Variants in CAST observed in about 807,000 individuals in gnomAD.
CAST encodes the protein MIR583 host.
A neutral mutation model predicts 119.6 loss-of-function variants in CAST; 76 were observed. That is an observed-to-expected ratio of 0.64 (90% confidence interval 0.53 to 0.77). The LOEUF (loss-of-function observed/expected upper bound fraction) is 0.77, where lower values mean the gene tolerates loss of function less well. Ranked by LOEUF, CAST falls within the 30% of genes least tolerant of loss-of-function variation. The probability of loss-of-function intolerance (pLI) is 0.00; values close to 1 mark genes in which losing one functional copy is unlikely to be tolerated. For synonymous variants in CAST, 319 were observed against 331.6 expected (o/e 0.96, Z 0.41); for missense variants, 953 against 946.5 (o/e 1.01, Z -0.09).
At chr5:96,270,477 TTA>T in the CAST span, among the ~76,000 whole-genome samples, 4 of 152,162 alleles carry the variant, frequency 2.6e-5, no homozygotes, top group Non-Finnish European at 5.9e-5. Context: ...CAACATGATG[TTA>T]TACTTAGAAA....
At chr5:96,435,735 C>A in the CAST span, among the ~76,000 whole-genome samples, 1 of 152,260 alleles carries the variant, frequency 6.6e-6, no homozygotes, top group African/African-American at 2.4e-5. Context: ...GATTGCCATG[C>A]CTTTCATGAT....
the CAST span, among the ~76,000 whole-genome samples, chr5:96,498,818 G>A: frequency 6.6e-5 from 10 of 152,084 alleles, no homozygotes; most frequent in African/African-American, 2.4e-4. Flanking sequence ...CCAGCCTCCA[G>A]GTCCAAGGCT....
the CAST span, chr5:96,415,916 AT>A: frequency 1.4e-6 from 1 of 728,210 alleles, no homozygotes; most frequent in Non-Finnish European, 2.5e-6. Context: ...CAACTTTGGC[AT>A]GGAACTAATT....
chr5:96,518,398 C>G, the CAST span, among the ~76,000 whole-genome samples: 1 of 152,178 alleles, frequency 6.6e-6, no homozygotes, highest in East Asian at 1.9e-4. Flanking sequence ...GGGTGAGAGA[C>G]TCGTGCTTCA....
chr5:96,509,974 A>T, the CAST span, among the ~76,000 whole-genome samples: 1 of 152,238 alleles, frequency 6.6e-6, no homozygotes, highest in Non-Finnish European at 1.5e-5. Flanking sequence ...ATAAAGTTGG[A>T]GGACTTTTAT....
chr5:96,241,012 A>T, the CAST span, among the ~76,000 whole-genome samples: 2 of 152,082 alleles, frequency 1.3e-5, no homozygotes, highest in Non-Finnish European at 2.9e-5. Context: ...TTTATATGAT[A>T]AGCATGTATT....
the CAST span, among the ~76,000 whole-genome samples, chr5:96,220,588 G>A: frequency 2.6e-5 from 4 of 152,186 alleles, no homozygotes; most frequent in South Asian, 2.1e-4. Flanking sequence ...TGGCATAGAA[G>A]CTAGGCCTTC....
chr5:96,183,022 C>T, the CAST span, among the ~76,000 whole-genome samples: 77 of 152,036 alleles, frequency 5.1e-4, no homozygotes, highest in Non-Finnish European at 9.1e-4. Context: ...GCCTGTAGTC[C>T]CAGCTCCTCG....
the CAST span, among the ~76,000 whole-genome samples, chr5:96,387,962 A>T: frequency 1.3e-5 from 2 of 152,222 alleles, no homozygotes; most frequent in Non-Finnish European, 2.9e-5. Flanking sequence ...ATCCTCTTCT[A>T]AGAACAAGAA....
chr5:96,108,539 G>A, the CAST span, among the ~76,000 whole-genome samples: 2 of 152,158 alleles, frequency 1.3e-5, no homozygotes, highest in African/African-American at 2.4e-5. Context: ...GCTGCTCGGG[G>A]ATCAGGGGTC....
chr5:96,136,486 T>C, the CAST span, among the ~76,000 whole-genome samples: 1 of 152,326 alleles, frequency 6.6e-6, no homozygotes, highest in East Asian at 1.9e-4. Context: ...TTCCTCTTGT[T>C]GGATACTGTA....
At chr5:96,372,756 C>G in the CAST span, among the ~76,000 whole-genome samples, 6 of 152,182 alleles carry the variant, frequency 3.9e-5, no homozygotes, top group Admixed American at 3.9e-4. Context: ...GAACCACTCT[C>G]TTATTTCCTT....
chr5:96,717,953 T>C (rs765998986), intron 3 of CAST, among the ~76,000 whole-genome samples: 73 of 152,176 alleles, frequency 4.8e-4, no homozygotes, highest in Non-Finnish European at 1.9e-4. Context: ...AACTATTAGA[T>C]GGAAACTATT....
chr5:96,109,540 C>G, the CAST span, among the ~76,000 whole-genome samples: 2 of 152,166 alleles, frequency 1.3e-5, no homozygotes, highest in African/African-American at 4.8e-5. Flanking sequence ...CAGTTGTCCT[C>G]TAAGAGTGTT....
At chr5:96,573,052 T>C (rs931599255) in intron 1 of CAST, among the ~76,000 whole-genome samples, 1 of 152,196 alleles carries the variant, frequency 6.6e-6, no homozygotes, top group Admixed American at 6.5e-5. Flanking sequence ...AAAGCTATGA[T>C]ACTGAAGGAC....
At chr5:96,568,703 A>ATT (rs35158800) in intron 1 of CAST, among the ~76,000 whole-genome samples, 2 of 151,000 alleles carry the variant, frequency 1.3e-5, no homozygotes, top group Non-Finnish European at 2.9e-5. Flanking sequence ...TTGTGTGCAT[A>ATT]TTTTTTTGTT....
chr5:96,422,294 G>A, the CAST span, among the ~76,000 whole-genome samples: 1 of 152,178 alleles, frequency 6.6e-6, no homozygotes, highest in Non-Finnish European at 1.5e-5. Flanking sequence ...GAGGCCCAGA[G>A]AAGTTAAATG....
chr5:96,380,851 G>C, the CAST span, among the ~76,000 whole-genome samples: 1 of 152,134 alleles, frequency 6.6e-6, no homozygotes, highest in African/African-American at 2.4e-5. Flanking sequence ...ATGCTTGGGG[G>C]TTACAAAATT....
intron 1 of CAST, among the ~76,000 whole-genome samples, chr5:96,544,110 A>C (rs1001139635): frequency 2.6e-5 from 4 of 152,160 alleles, no homozygotes; most frequent in African/African-American, 9.7e-5. Context: ...GCTTGCTGAG[A>C]TTTTATTGTG....
Sources: allele counts gnomAD v4.1 joint callset (sites outside exome capture counted in the v4.1 genomes callset), GRCh38; gene constraint gnomAD v4.1.1; transcripts MANE v1.5; gene names NCBI Gene and HGNC (gene_info 2026-07-23, HGNC 2026-07-21).